Variants in GPRC6A observed in about 807,000 individuals in gnomAD.
GPRC6A encodes the protein G protein-coupled receptor family C group 6 member A.
A neutral mutation model predicts 47.0 loss-of-function variants in GPRC6A; 54 were observed. The ratio of observed to expected loss-of-function variants is 1.15; its 90% CI spans 0.92 to 1.44. GPRC6A has a LOEUF of 1.44. Ranked by LOEUF, GPRC6A falls within the 40% of genes most tolerant of loss-of-function variation. The pLI is 0.00. For synonymous variants in GPRC6A, 347 were observed against 377.1 expected, an observed-to-expected ratio of 0.92 and a Z score of 0.93; for missense variants, 1,112 against 1,105.5, an observed-to-expected ratio of 1.01 and a Z score of -0.08.
intron 1 of GPRC6A, among the ~76,000 whole-genome samples, chr6:116,821,520 C>A: frequency 6.6e-6 from 1 of 152,050 alleles, no homozygotes; most frequent in African/African-American, 2.4e-5. Context: ...AGATATAGAT[C>A]AATGGAACAG....
intron 1 of GPRC6A, among the ~76,000 whole-genome samples, chr6:116,816,834 T>TA (rs1363579008): frequency 1.3e-5 from 2 of 152,168 alleles, no homozygotes; most frequent in African/African-American, 4.8e-5. Flanking sequence ...CTGACAGGCT[T>TA]AAAAAACGGC....
chr6:116,807,035 C>A lies in GPRC6A; in HGVS notation c.670G>T (p.Ala224Ser), dbSNP rs149304182. 3.2e-5 allele frequency: 52 copies of A among 1,613,636 alleles called. No homozygotes were observed. The African/African-American group carries it at 5.6e-4, about 17-fold the overall frequency. Residue 224 changes from alanine to serine, a missense_variant, in exon 3 of 6, where the codon GCT becomes TCT. By Grantham distance (99) the Ala-to-Ser change is moderately conservative. Coordinates refer to ENST00000310357, the MANE Select transcript of GPRC6A (RefSeq NM_148963.4). ...GCCTGAATTATAAAAGTGTTAAGAG[C>A]CAATCGTCCATAGTCATCATCTGTG... ...ITTDDDYGRL[A>S]LNTFIIQAEA...
chr6:116,826,645 T>C (rs1773687987), intron 1 of GPRC6A, among the ~76,000 whole-genome samples: 1 of 152,112 alleles, frequency 6.6e-6, no homozygotes, highest in Non-Finnish European at 1.5e-5. Context: ...AGAGTATGGA[T>C]ATTTCTCAAA....
In GPRC6A at chr6:116,792,482, T is replaced by C. The variant is rs1582449405; in HGVS notation, c.2441A>G (p.Glu814Gly). ...GTTAGATATTAATATGACAATAATC[T>C]CCACAGCTGGTACATATTTGCCAAA... ...TTFGKYVPAVEIIVILISNYG... is the reference protein window; with the variant it reads ...TTFGKYVPAVGIIVILISNYG... The change falls in exon 6 of 6, where the codon GAG becomes GGG. Residue 814 changes from glutamate (E) to glycine (G), a missense_variant. By Grantham distance (98) the Glu-to-Gly change is moderately conservative. Coordinates refer to ENST00000310357, the MANE Select transcript of GPRC6A (RefSeq NM_148963.4). The C allele has an allele frequency of 1.2e-6, 2 of 1,613,820 alleles. No homozygotes were observed. Among genetic ancestry groups the C allele is most frequent in the Non-Finnish European group, 8.5e-7 (1 of 1,179,764 alleles).
At chr6:116,798,768 A>G (rs1772564583) in intron 4 of GPRC6A, among the ~76,000 whole-genome samples, 1 of 152,066 alleles carries the variant, frequency 6.6e-6, no homozygotes, top group Middle Eastern at 3.4e-3. Flanking sequence ...CTGTAATCCC[A>G]GCTACTCGGG....
At chr6:116,818,791 T>A (rs1470378070) in intron 1 of GPRC6A, among the ~76,000 whole-genome samples, 1 of 146,818 alleles carries the variant, frequency 6.8e-6, no homozygotes, top group African/African-American at 2.5e-5. Flanking sequence ...AGGAAGAAAC[T>A]GCATCAACTA....
chr6:116,827,722 T>C (rs1773718099), intron 1 of GPRC6A, among the ~76,000 whole-genome samples: 1 of 152,064 alleles, frequency 6.6e-6, no homozygotes, highest in African/African-American at 2.4e-5. Flanking sequence ...CATAGTGCTC[T>C]GAAAATCTTC....
intron 3 of GPRC6A, among the ~76,000 whole-genome samples, chr6:116,804,840 A>G (rs1396028247): frequency 1.3e-5 from 2 of 152,038 alleles, no homozygotes; most frequent in Non-Finnish European, 2.9e-5. Context: ...GGTTCTTTAT[A>G]TAACCATCCC....
At chr6:116,811,730 A>C (rs1773030772) in intron 1 of GPRC6A, among the ~76,000 whole-genome samples, 1 of 152,142 alleles carries the variant, frequency 6.6e-6, no homozygotes, top group Admixed American at 6.5e-5. Context: ...ACACATTTGA[A>C]AGCTTCAACA....
intron 1 of GPRC6A, among the ~76,000 whole-genome samples, chr6:116,819,353 T>G (rs1390150225): frequency 6.6e-6 from 1 of 150,646 alleles, no homozygotes; most frequent in African/African-American, 2.4e-5. Context: ...CTGCACCAAG[T>G]GGACCTAATA....
At position 116,806,438 on chromosome 6, in the gene GPRC6A, C is replaced by G. The variant is rs1250160595; in HGVS notation, c.1267G>C (p.Gly423Arg). 2 of 1,613,374 alleles carry G rather than the reference C, an allele frequency of 1.2e-6. No individual in the cohort carries two copies. Among genetic ancestry groups the G allele is most frequent in the African/African-American group, 1.3e-5 (1 of 74,952 alleles). The change falls in exon 3 of 6, where the codon GGT becomes CGT. Residue 423 changes from glycine to arginine, a missense_variant. Transcript: ENST00000310357. ...HSIQLAVFAL[G>R]YAIRDLCQAR... is the part of the protein sequence containing the mutation. ...TGACACAGATCCCGAATGGCATAAC[C>G]AAGGGCAAACACTGCAAGCTGAATA...
At chr6:116,800,283 T>TCCCC (rs59860604) in intron 4 of GPRC6A, among the ~76,000 whole-genome samples, 1 of 108,482 alleles carries the variant, frequency 9.2e-6, no homozygotes, top group Non-Finnish European at 1.8e-5. Flanking sequence ...CCTCCCTCCC[T>TCCCC]TCCTTCCTCT....
In GPRC6A at chr6:116,795,410, A is replaced by G. The variant is rs1512656; in HGVS notation, c.1672+302T>C. ...ATCTGTATAGGGATACATGGACAAA[A>G]TTGACAGAGAACTTGCATCACTTTA... On this transcript the variant is annotated intron_variant, in intron 5 of 5. Coordinates refer to ENST00000310357, the MANE Select transcript of GPRC6A (RefSeq NM_148963.4). Among the ~76,000 whole-genome samples, 478 of 152,270 alleles carry G rather than the reference A, an allele frequency of 3.1e-3. 2 individuals carry two copies. The highest frequency in any genetic ancestry group is 0.011 in the African/African-American group (439 of 41,558).
At chr6:116,815,188 A>G (rs1486276054) in intron 1 of GPRC6A, among the ~76,000 whole-genome samples, 5 of 152,338 alleles carry the variant, frequency 3.3e-5, no homozygotes, top group Middle Eastern at 3.4e-3. Context: ...TGGCAAAAAT[A>G]TAACAAACTT....
At chr6:116,802,268 A>C (rs926005684) in intron 3 of GPRC6A, among the ~76,000 whole-genome samples, 2 of 152,148 alleles carry the variant, frequency 1.3e-5, no homozygotes, top group Non-Finnish European at 2.9e-5. Context: ...ATATAATAAA[A>C]CATTTGCTTT....
intron 4 of GPRC6A, among the ~76,000 whole-genome samples, chr6:116,797,542 T>C (rs1344629567): frequency 1.3e-5 from 2 of 152,156 alleles, no homozygotes; most frequent in African/African-American, 4.8e-5. Flanking sequence ...TTGAAATAAT[T>C]ATAGGTGTCT....
At position 116,792,462 on chromosome 6, in the gene GPRC6A, A is replaced by T. The variant is rs2114572958; in HGVS notation, c.2461T>A (p.Ser821Thr). Reference protein sequence around the residue: ...PAVEIIVILISNYGILYCTFI... With the variant: ...PAVEIIVILITNYGILYCTFI... Reference sequence around the variant, plus strand: ...GTGCAATACAGGATTCCATAGTTAGATATTAATATGACAATAATCTCCACA... The same window carrying T: ...GTGCAATACAGGATTCCATAGTTAGTTATTAATATGACAATAATCTCCACA... Residue 821 changes from serine to threonine, a missense_variant, in exon 6 of 6, where the codon TCT becomes ACT. Physicochemically the swap from Ser to Thr is moderately conservative, Grantham distance 58. Transcript: ENST00000310357. 1.2e-6 allele frequency: 2 copies of T among 1,613,792 alleles called. No individual in the cohort carries two copies. The highest frequency in any genetic ancestry group is 3.3e-4 in the Middle Eastern group (2 of 6,058).
intron 5 of GPRC6A, among the ~76,000 whole-genome samples, chr6:116,794,129 G>C (rs544361869): frequency 6.6e-6 from 1 of 152,272 alleles, no homozygotes; most frequent in East Asian, 1.9e-4. Flanking sequence ...GTGAGTCTCA[G>C]CTGCAATCAA....
intron 1 of GPRC6A, among the ~76,000 whole-genome samples, chr6:116,819,261 A>T (rs1436762446): frequency 6.6e-6 from 1 of 150,540 alleles, no homozygotes; most frequent in Non-Finnish European, 1.5e-5. Flanking sequence ...TAATAATGGG[A>T]GACTTTAACA....
Sources: gnomAD v4.1 joint callset for allele counts (sites outside exome capture counted in the v4.1 genomes callset) on GRCh38, gnomAD v4.1.1 for gene constraint, MANE v1.5 for transcripts, NCBI Gene and HGNC (gene_info 2026-07-23, HGNC 2026-07-21) for gene names.